Variants in HGD observed in about 807,000 individuals in gnomAD.
HGD encodes homogentisate oxidase.
Under a neutral mutation model 60.8 loss-of-function variants are expected in HGD, and 61 were observed. The observed-to-expected ratio is 1.00, with a 90% CI of 0.82 to 1.24. The LOEUF is 1.24. Ranked by LOEUF, HGD falls within the 50% of genes most tolerant of loss-of-function variation. HGD has a pLI of 0.00. For missense variants in HGD, 542 were observed against 547.1 expected, an observed-to-expected ratio of 0.99 and a Z score of 0.09; for synonymous variants, 212 against 187.7, an observed-to-expected ratio of 1.13 and a Z score of -1.06.
chr3:120,628,425 C>G lies in HGD; in HGVS notation c.1293G>C (p.Lys431Asn), dbSNP rs1940485631. 6.2e-7 allele frequency: 1 copy of G among 1,613,924 alleles called. No individual in the cohort carries two copies. Among genetic ancestry groups the G allele is most frequent in the Non-Finnish European group, 8.5e-7 (1 of 1,179,970 alleles). Residue 431 changes from lysine (K) to asparagine (N), a missense_variant, in exon 14 of 14, where the codon AAG (lysine) becomes AAC (asparagine). Lys to Asn is a moderately conservative substitution (Grantham distance 94, BLOSUM62 0). Transcript: ENST00000283871. ...TCCTGGAGTTGGGAGTGAAGTGGCT[C>G]TTGAGTGGCTCCCAGCACTTGTGGT... ...ENYHKCWEPL[K>N]SHFTPNSRNP...
At chr3:120,665,977 G>A (rs1302271259) in intron 4 of HGD, among the ~76,000 whole-genome samples, 1 of 152,208 alleles carries the variant, frequency 6.6e-6, no homozygotes, top group East Asian at 1.9e-4. Flanking sequence ...TTATGAGGGA[G>A]AAAGTGATGA....
chr3:120,667,408 G>A (rs959133595), intron 4 of HGD, among the ~76,000 whole-genome samples: 13 of 147,134 alleles, frequency 8.8e-5, no homozygotes, highest in Non-Finnish European at 1.2e-4. Context: ...TATGTCACAC[G>A]AACTCCAAAA....
chr3:120,634,845 G>C (rs963610664), intron 12 of HGD, among the ~76,000 whole-genome samples: 1 of 152,230 alleles, frequency 6.6e-6, no homozygotes, highest in Non-Finnish European at 1.5e-5. Context: ...TACAAAGTGA[G>C]TGAGAGTGTG....
In HGD at chr3:120,628,543, C is replaced by T. The variant is rs368135589; in HGVS notation, c.1189-14G>A. 35 of 1,613,394 alleles carry T rather than the reference C, an allele frequency of 2.2e-5. No homozygotes were observed. Among genetic ancestry groups the T allele is most frequent in the African/African-American group, 1.2e-4 (9 of 74,824 alleles). ...AAACATAAATGCCTGGAGGAAGTGA[C>T]GATGGGGATGAGAAAAAAGAGGTGA... On this transcript the variant is annotated splice_polypyrimidine_tract_variant and intron_variant, in intron 13 of 13. Coordinates refer to ENST00000283871, the MANE Select transcript of HGD (RefSeq NM_000187.4).
At chr3:120,666,134 A>G (rs1707894297) in intron 4 of HGD, among the ~76,000 whole-genome samples, 1 of 152,208 alleles carries the variant, frequency 6.6e-6, no homozygotes, top group Non-Finnish European at 1.5e-5. Context: ...GGCAGGTGAC[A>G]GAGGTCACAA....
At chr3:120,676,362 G>A (rs1708130804) in intron 1 of HGD, among the ~76,000 whole-genome samples, 1 of 152,160 alleles carries the variant, frequency 6.6e-6, no homozygotes, top group African/African-American at 2.4e-5. Flanking sequence ...TGGCCTTCAG[G>A]AGACACGCCA....
chr3:120,642,671 A>G (rs548401560), intron 10 of HGD, among the ~76,000 whole-genome samples: 2 of 152,366 alleles, frequency 1.3e-5, no homozygotes, highest in South Asian at 2.1e-4. Flanking sequence ...GCAAGTCACT[A>G]TGAATCAGCT....
chr3:120,659,936 GAGA>G (rs776267198), intron 4 of HGD, among the ~76,000 whole-genome samples: 301 of 123,230 alleles, frequency 2.4e-3, no homozygotes, highest in Non-Finnish European at 3.9e-3. Flanking sequence ...GCAGGAGCAA[GAGA>G]GAGTGGGGGG....
intron 4 of HGD, among the ~76,000 whole-genome samples, chr3:120,653,689 CAG>C (rs1468207613): frequency 6.6e-6 from 1 of 152,200 alleles, no homozygotes. Context: ...ATTTGGGAAA[CAG>C]TGCTGAAATC....
At chr3:120,636,773 T>C (rs1486354868) in intron 12 of HGD, among the ~76,000 whole-genome samples, 1 of 152,232 alleles carries the variant, frequency 6.6e-6, no homozygotes, top group Non-Finnish European at 1.5e-5. Flanking sequence ...ACGTCCATCC[T>C]AAGGGCCTTC....
At chr3:120,676,270 C>A (rs1708129126) in intron 1 of HGD, among the ~76,000 whole-genome samples, 1 of 152,192 alleles carries the variant, frequency 6.6e-6, no homozygotes, top group Non-Finnish European at 1.5e-5. Flanking sequence ...TTGCTGTAGG[C>A]AGAAGCCTCT....
At chr3:120,659,961 T>A (rs1256646276) in intron 4 of HGD, among the ~76,000 whole-genome samples, 1 of 142,872 alleles carries the variant, frequency 7.0e-6, no homozygotes, top group African/African-American at 2.5e-5. Flanking sequence ...GGTTGCATAA[T>A]GGGGGTGGAT....
At chr3:120,643,211 C>A (rs1200808760) in intron 10 of HGD, among the ~76,000 whole-genome samples, 1 of 152,158 alleles carries the variant, frequency 6.6e-6, no homozygotes, top group Non-Finnish European at 1.5e-5. Flanking sequence ...GCAACCTCCA[C>A]CTCCTGGGTT....
chr3:120,629,814 A>G (rs1462803066), intron 13 of HGD, among the ~76,000 whole-genome samples: 1 of 152,058 alleles, frequency 6.6e-6, no homozygotes, highest in Non-Finnish European at 1.5e-5. Context: ...AAGTGCATCC[A>G]GAAGAGAAGA....
Position 120,647,036 on chromosome 3 carries a change from G to A in HGD, c.486C>T (p.Asn162=). 6.2e-7 allele frequency: 1 copy of A among 1,614,002 alleles called. No homozygotes were observed. The highest frequency in any genetic ancestry group is 8.5e-7 in the Non-Finnish European group (1 of 1,179,898). The change falls in exon 8 of 14, where the codon AAC becomes AAT. Residue 162 remains asparagine (N), a synonymous_variant. Transcript: ENST00000283871. ...TGCCAAACTCGGTGTAAATGAGAAGGTTCCCTTTCTGCGGAACTGACAAAA... is the reference window on the plus strand; with the variant it reads ...TGCCAAACTCGGTGTAAATGAGAAGATTCCCTTTCTGCGGAACTGACAAAA... ...GDFLIVPQKG[N]LLIYTEFGKM...
rs778271488 is a variant in HGD at position 120,647,845 on chromosome 3, C to T, written c.469+32G>A. On this transcript the variant is annotated intron_variant, in intron 7 of 13. Coordinates refer to ENST00000283871, the MANE Select transcript of HGD (RefSeq NM_000187.4). ...CAGCTTGCGGTTAGGGGTCAATTAA[C>T]AGTGAGGGGGTCTGAAGTCTTCAGA... is the stretch of plus-strand genomic sequence containing the variant. 2.5e-6 allele frequency: 4 copies of T among 1,571,712 alleles called. No individual in the cohort carries two copies. In the Admixed American group the frequency reaches 6.7e-5, roughly 26 times the overall value.
intron 4 of HGD, among the ~76,000 whole-genome samples, chr3:120,658,140 C>T (rs563833373): frequency 6.6e-6 from 1 of 152,126 alleles, no homozygotes; most frequent in African/African-American, 2.4e-5. Flanking sequence ...CCATGCCTTC[C>T]CAGCAGTGCC....
At chr3:120,630,105 C>T (rs770235162) in intron 13 of HGD, among the ~76,000 whole-genome samples, 12 of 152,150 alleles carry the variant, frequency 7.9e-5, no homozygotes, top group Non-Finnish European at 1.6e-4. Flanking sequence ...TTACAAAACA[C>T]TGCTCAAAGA....
intron 11 of HGD, 52 bp downstream of exon 11, chr3:120,641,537 C>T (rs752211129): frequency 4.4e-6 from 5 of 1,124,426 alleles, no homozygotes; most frequent in Non-Finnish European, 6.8e-6. Context: ...CTGTGGACCC[C>T]TCCCACCCAA....
Sources: gnomAD v4.1 joint callset for allele counts (sites outside exome capture counted in the v4.1 genomes callset) on GRCh38, gnomAD v4.1.1 for gene constraint, MANE v1.5 for transcripts, NCBI Gene and HGNC (gene_info 2026-07-23, HGNC 2026-07-21) for gene names.